Variants in WWOX observed in about 807,000 individuals in gnomAD.
WWOX encodes the protein WW domain-containing oxidoreductase.
WWOX carries 69 observed loss-of-function variants against 46.2 expected under a neutral mutation model. The observed-to-expected ratio is 1.49, with a 90% CI of 1.23 to 1.82. The LOEUF (loss-of-function observed/expected upper bound fraction) is 1.82, where lower values mean the gene tolerates loss of function less well. WWOX is among the 40% of genes most tolerant of loss of function. WWOX has a pLI of 0.00. For missense variants in WWOX, 919 were observed against 542.6 expected, an observed-to-expected ratio of 1.69 and a Z score of -6.89; for synonymous variants, 359 against 202.6, an observed-to-expected ratio of 1.77 and a Z score of -6.56.
intron 8 of WWOX, chr16:78,891,968 G>C (rs1487683932): frequency 6.6e-6 from 1 of 151,154 alleles, no homozygotes; most frequent in Non-Finnish European, 1.5e-5. Flanking sequence ...TCCCTAGCTT[G>C]AGAAATCATA....
At chr16:78,968,889 ACTT>A (rs1462254353) in intron 8 of WWOX, among the ~76,000 whole-genome samples, 1 of 151,334 alleles carries the variant, frequency 6.6e-6, no homozygotes, top group African/African-American at 2.4e-5. Context: ...GTCACATAAT[ACTT>A]CTTCATGGAG....
intron 8 of WWOX, among the ~76,000 whole-genome samples, chr16:78,993,882 T>C (rs2046937384): frequency 6.6e-6 from 1 of 152,176 alleles, no homozygotes; most frequent in South Asian, 2.1e-4. Context: ...CCTGTTCCTT[T>C]CGTGTCCGTT....
intron 8 of WWOX, among the ~76,000 whole-genome samples, chr16:78,974,069 G>GA (rs1188442112): frequency 1.3e-5 from 2 of 152,144 alleles, no homozygotes; most frequent in Non-Finnish European, 2.9e-5. Context: ...TCACCTTTCT[G>GA]AAAAAATCTT....
At chr16:78,657,422 C>T (rs1403178908) in intron 8 of WWOX, among the ~76,000 whole-genome samples, 1 of 152,132 alleles carries the variant, frequency 6.6e-6, no homozygotes, top group Non-Finnish European at 1.5e-5. Flanking sequence ...TGCAGCATGT[C>T]AAGAACAATA....
intron 8 of WWOX, among the ~76,000 whole-genome samples, chr16:79,067,136 CCTG>C (rs2048456356): frequency 6.6e-6 from 1 of 152,190 alleles, no homozygotes; most frequent in African/African-American, 2.4e-5. Context: ...CTGTCTAGGG[CCTG>C]TCTGGGGCTC....
chr16:79,113,809 A>G (rs2049460706), intron 8 of WWOX, among the ~76,000 whole-genome samples: 1 of 152,236 alleles, frequency 6.6e-6, no homozygotes, highest in South Asian at 2.1e-4. Flanking sequence ...GGCAAAGTGC[A>G]CATTAAACAC....
chr16:78,713,765 A>G (rs140249090), intron 8 of WWOX, among the ~76,000 whole-genome samples: 1 of 152,228 alleles, frequency 6.6e-6, no homozygotes, highest in East Asian at 1.9e-4. Context: ...GAGAAAATCA[A>G]TTTCTGTTGT....
intron 5 of WWOX, among the ~76,000 whole-genome samples, chr16:78,295,647 G>T (rs1460928529): frequency 6.6e-6 from 1 of 152,206 alleles, no homozygotes; most frequent in Non-Finnish European, 1.5e-5. Flanking sequence ...GGAGATGGTG[G>T]TTGCAGTGAG....
chr16:79,017,663 A>G (rs2047445395), intron 8 of WWOX, among the ~76,000 whole-genome samples: 1 of 152,098 alleles, frequency 6.6e-6, no homozygotes, highest in Non-Finnish European at 1.5e-5. Context: ...ATTTATAGAC[A>G]CTGAAATTTG....
At chr16:78,955,735 C>T (rs2046152658) in intron 8 of WWOX, among the ~76,000 whole-genome samples, 1 of 151,276 alleles carries the variant, frequency 6.6e-6, no homozygotes, top group African/African-American at 2.4e-5. Context: ...GCAGCCTCAG[C>T]CTCCTAAACT....
chr16:78,390,287 C>A (rs951712362), intron 6 of WWOX, among the ~76,000 whole-genome samples: 15 of 152,234 alleles, frequency 9.9e-5, no homozygotes, highest in Admixed American at 8.5e-4. Flanking sequence ...ATAGGATCAT[C>A]TTCCACGTCT....
chr16:78,505,938 T>C (rs962831280), intron 8 of WWOX, among the ~76,000 whole-genome samples: 1 of 152,206 alleles, frequency 6.6e-6, no homozygotes. Context: ...CCCGGTTGGC[T>C]CTGCAAACCG....
chr16:78,579,877 G>C (rs1273794140), intron 8 of WWOX, among the ~76,000 whole-genome samples: 1 of 152,094 alleles, frequency 6.6e-6, no homozygotes, highest in Non-Finnish European at 1.5e-5. Context: ...AGACTCACTG[G>C]AACCCAAGCA....
chr16:78,419,836 C>T (rs1045962999), intron 6 of WWOX, among the ~76,000 whole-genome samples: 3 of 151,956 alleles, frequency 2.0e-5, no homozygotes, highest in African/African-American at 7.2e-5. Context: ...CAAATGATAC[C>T]ATCACGAAAG....
At chr16:79,194,368 T>G (rs1357106719) in intron 8 of WWOX, among the ~76,000 whole-genome samples, 2 of 152,308 alleles carry the variant, frequency 1.3e-5, no homozygotes, top group Middle Eastern at 3.4e-3. Context: ...AGCTTTGGGT[T>G]GGATACCTGG....
At position 78,512,662 on chromosome 16, in the gene WWOX, A is replaced by G. The variant is rs17720509; in HGVS notation, c.1056+79910A>G. Among the ~76,000 whole-genome samples, 93 of 152,346 alleles carry G rather than the reference A, an allele frequency of 6.1e-4. No homozygotes were observed. In the East Asian group the frequency reaches 0.01, roughly 16 times the overall value. The stretch of plus-strand genomic sequence containing the variant: ...AGAAAGATTTCTGGGTGGGACTTCA[A>G]TGAGACTCATTTCGCAGGTTTTCAT... On this transcript the variant is annotated intron_variant, in intron 8 of 8. Coordinates refer to ENST00000566780, the MANE Select transcript of WWOX (RefSeq NM_016373.4).
chr16:78,884,300 A>G (rs2044407171), intron 8 of WWOX, among the ~76,000 whole-genome samples: 1 of 148,624 alleles, frequency 6.7e-6, no homozygotes, highest in Non-Finnish European at 1.5e-5. Flanking sequence ...AAAACAAAAG[A>G]CCATTTTTAA....
At chr16:78,656,585 A>C (rs1023710805) in intron 8 of WWOX, among the ~76,000 whole-genome samples, 1 of 152,140 alleles carries the variant, frequency 6.6e-6, no homozygotes, top group Non-Finnish European at 1.5e-5. Context: ...GAACTCACTC[A>C]CTGTCATGAG....
intron 8 of WWOX, among the ~76,000 whole-genome samples, chr16:78,586,461 C>T (rs192874584): frequency 6.6e-6 from 1 of 152,238 alleles, no homozygotes; most frequent in African/African-American, 2.4e-5. Flanking sequence ...TTCTATTTGT[C>T]ATCCTCTGTA....
Sources: gnomAD v4.1 joint callset for allele counts (sites outside exome capture counted in the v4.1 genomes callset) on GRCh38, gnomAD v4.1.1 for gene constraint, MANE v1.5 for transcripts, NCBI Gene and HGNC (gene_info 2026-07-23, HGNC 2026-07-21) for gene names.